Variants in RGS22 observed in about 807,000 individuals in gnomAD.
RGS22 encodes the protein regulator of G protein signaling 22, also known as regulator of G-protein signaling 22.
In RGS22, 148 loss-of-function variants were observed where a neutral mutation model predicts 172.9. The ratio of observed to expected loss-of-function variants is 0.86; its 90% confidence interval spans 0.75 to 0.98. RGS22 has a LOEUF of 0.98. Among genes scored for constraint, RGS22 ranks in the 50% least tolerant of loss-of-function variants. The pLI is 0.00. For synonymous variants in RGS22, 458 were observed against 480.2 expected (o/e 0.95, Z 0.60); for missense variants, 1,347 against 1,440.8 (o/e 0.93, Z 1.05).
chr8:100,092,006 G>A (rs1812618023), intron 3 of RGS22: 1 of 151,972 alleles, frequency 6.6e-6, no homozygotes, highest in South Asian at 2.1e-4. Flanking sequence ...AACAGAGAGA[G>A]TACAAAATTA....
chr8:100,047,258 T>C (rs1820821748), intron 11 of RGS22, among the ~76,000 whole-genome samples: 1 of 152,180 alleles, frequency 6.6e-6, no homozygotes, highest in African/African-American at 2.4e-5. Context: ...AGAGGCATCA[T>C]CTCTTTAAAA....
At chr8:100,020,135 C>T (rs569806655) in intron 14 of RGS22, among the ~76,000 whole-genome samples, 189 of 152,206 alleles carry the variant, frequency 1.2e-3, no homozygotes, top group Non-Finnish European at 2.1e-3. Context: ...CCACCCGCCT[C>T]GGCCTCCCAA....
At chr8:100,021,353 C>T (rs916697123) in intron 14 of RGS22, among the ~76,000 whole-genome samples, 1 of 152,144 alleles carries the variant, frequency 6.6e-6, no homozygotes, top group Admixed American at 6.5e-5. Context: ...TGTTTGTTTA[C>T]ATTCTGAATA....
chr8:100,081,783 T>A (rs1325582309), intron 3 of RGS22, among the ~76,000 whole-genome samples: 1 of 152,068 alleles, frequency 6.6e-6, no homozygotes, highest in Non-Finnish European at 1.5e-5. Context: ...TGGTAGAGAA[T>A]GACATCAAAT....
chr8:100,005,028 G>GATCT (rs1815535255), intron 16 of RGS22, among the ~76,000 whole-genome samples: 1 of 151,808 alleles, frequency 6.6e-6, no homozygotes, highest in Admixed American at 6.6e-5. Flanking sequence ...AGCTACCAAT[G>GATCT]TTTTAAAAAT....
chr8:100,055,931 C>A (rs1822198215), intron 9 of RGS22, among the ~76,000 whole-genome samples: 1 of 152,018 alleles, frequency 6.6e-6, no homozygotes, highest in East Asian at 1.9e-4. Context: ...TGTAAAGATA[C>A]TGAAAATGTG....
At chr8:100,048,811 G>A (rs1820990598) in intron 10 of RGS22, among the ~76,000 whole-genome samples, 1 of 152,044 alleles carries the variant, frequency 6.6e-6, no homozygotes. Flanking sequence ...AAAGTAGGGT[G>A]GTAGTTACCA....
At chr8:100,101,469 A>AT in intron 2 of RGS22, among the ~76,000 whole-genome samples, 1 of 71,920 alleles carries the variant, frequency 1.4e-5, no homozygotes, top group Admixed American at 1.4e-4. Flanking sequence ...TTTTTTTGGT[A>AT]TTTTTAGTAG....
At chr8:100,033,157 T>C (rs1283254858) in intron 14 of RGS22, among the ~76,000 whole-genome samples, 1 of 151,636 alleles carries the variant, frequency 6.6e-6, no homozygotes, top group African/African-American at 2.4e-5. Flanking sequence ...AGACAAGAAA[T>C]ACTTAAGATC....
chr8:100,093,406 T>C, intron 3 of RGS22, 41 bp downstream of exon 3: 1 of 1,259,490 alleles, frequency 7.9e-7, no homozygotes, highest in African/African-American at 1.5e-5. Context: ...AATATTTTGC[T>C]TTGATAATAT....
At chr8:100,038,907 G>A (rs1819794740) in intron 14 of RGS22, 24 bp downstream of exon 14, 6 of 1,488,144 alleles carry the variant, frequency 4.0e-6, no homozygotes, top group Non-Finnish European at 5.6e-6. Flanking sequence ...GCTTCACATT[G>A]AACCAATATT....
chr8:100,062,561 A>C, intron 9 of RGS22, 30 bp downstream of exon 9: 2 of 1,471,858 alleles, frequency 1.4e-6, no homozygotes, highest in South Asian at 2.4e-5. Context: ...AAGGAAAGTG[A>C]AAGTAAGTAA....
chr8:100,086,607 T>C (rs1299960779), intron 3 of RGS22, among the ~76,000 whole-genome samples: 2 of 152,020 alleles, frequency 1.3e-5, no homozygotes, highest in African/African-American at 4.8e-5. Flanking sequence ...CTGGGTACTA[T>C]GCTCAGTACC....
intron 3 of RGS22, among the ~76,000 whole-genome samples, chr8:100,087,713 G>A (rs535537419): frequency 6.6e-6 from 1 of 152,164 alleles, no homozygotes; most frequent in South Asian, 2.1e-4. Flanking sequence ...TGCATCCCTA[G>A]TCAGTGAATG....
At position 100,002,346 on chromosome 8, in the gene RGS22, C is replaced by T. The variant is rs1366916442; in HGVS notation, c.2646G>A (p.Trp882Ter). The change falls in exon 18 of 28, where the codon TGG (tryptophan) becomes TGA (stop). Residue 882 changes from tryptophan (W) to a stop codon, truncating the protein, a stop_gained. Coordinates refer to ENST00000360863, the MANE Select transcript of RGS22 (RefSeq NM_015668.5). LOFTEE classifies it high-confidence loss of function. ...THSSSMDLMC[W>*]TDIEQFRRIT... ...TTCTCCGGAACTGCTCAATGTCTGT[C>T]CAGCACATAAGATCCATGCTAAAAT... The T allele has an allele frequency of 3.7e-6, 6 of 1,606,822 alleles. No homozygotes were observed. The highest frequency in any genetic ancestry group is 5.1e-6 in the Non-Finnish European group (6 of 1,178,162).
chr8:100,011,222 AC>A (rs1289154716), intron 14 of RGS22, among the ~76,000 whole-genome samples: 2 of 152,326 alleles, frequency 1.3e-5, no homozygotes, highest in African/African-American at 4.8e-5. Flanking sequence ...TTGAATTTTT[AC>A]TTAAAGATAT....
At chr8:100,025,439 A>C (rs575995786) in intron 14 of RGS22, among the ~76,000 whole-genome samples, 2 of 152,336 alleles carry the variant, frequency 1.3e-5, no homozygotes, top group South Asian at 4.1e-4. Flanking sequence ...TCCACATTCA[A>C]TCACCAGCCA....
At chr8:99,984,565 G>A (rs548132525) in intron 21 of RGS22, among the ~76,000 whole-genome samples, 1 of 152,150 alleles carries the variant, frequency 6.6e-6, no homozygotes, top group African/African-American at 2.4e-5. Flanking sequence ...CAGGAGAGAT[G>A]TCCATCTCAG....
intron 6 of RGS22, 72 bp from the exon 7 acceptor site, chr8:100,066,368 CATT>C: frequency 8.1e-7 from 1 of 1,237,196 alleles, no homozygotes; most frequent in East Asian, 2.4e-5. Flanking sequence ...CTGGAAAAAT[CATT>C]ATAATAATAT....
Sources: allele counts gnomAD v4.1 joint callset (sites outside exome capture counted in the v4.1 genomes callset), GRCh38; gene constraint gnomAD v4.1.1; transcripts MANE v1.5; gene names NCBI Gene and HGNC (gene_info 2026-07-23, HGNC 2026-07-21).